Variants in AGBL1 observed in about 807,000 individuals in gnomAD.
AGBL1 encodes cytosolic carboxypeptidase 4.
AGBL1 carries 130 observed loss-of-function variants against 118.9 expected under a neutral mutation model. The observed-to-expected ratio is 1.09, with a 90% CI of 0.95 to 1.26. The LOEUF is 1.26. Among genes scored for constraint, AGBL1 ranks in the 50% most tolerant of loss-of-function variants. The pLI is 0.00. For synonymous variants in AGBL1, 555 were observed against 478.9 expected, an observed-to-expected ratio of 1.16 and a Z score of -2.08; for missense variants, 1,584 against 1,298.1, an observed-to-expected ratio of 1.22 and a Z score of -3.38.
chr15:86,226,527 T>C (rs146941442), intron 6 of AGBL1, among the ~76,000 whole-genome samples: 13 of 152,318 alleles, frequency 8.5e-5, no homozygotes, highest in African/African-American at 2.9e-4. Flanking sequence ...AGCATCCTGA[T>C]ATAAATTGTA....
At chr15:86,917,989 CATT>C (rs1241442873), downstream of AGBL1, among the ~76,000 whole-genome samples, 16 of 152,174 alleles carry the variant, frequency 1.1e-4, no homozygotes, top group Admixed American at 1.0e-3. The surrounding 1 kb of genome is among the most constrained non-coding windows in gnomAD (Gnocchi z 4.8). Context: ...GCTGGGTTCT[CATT>C]ATATTTTGCA....
At position 86,247,919 on chromosome 15, in the gene AGBL1, C is replaced by T. The variant is rs777200669; in HGVS notation, c.735+40C>T. The T allele has an allele frequency of 6.9e-6, 11 of 1,601,402 alleles. No individual in the cohort carries two copies. In the Admixed American group the frequency reaches 1.8e-4, roughly 27 times the overall value. Reference sequence around the variant, plus strand: ...GATTCACTCTGCAGCTGGAGGCCAGCTGGGTGATTCCTGAAGGCTGTCATT... The same window carrying T: ...GATTCACTCTGCAGCTGGAGGCCAGTTGGGTGATTCCTGAAGGCTGTCATT... On this transcript the variant is annotated intron_variant, in intron 7 of 22. Transcript: ENST00000614907.
chr15:86,617,414 G>T (rs1046028092), intron 21 of AGBL1, among the ~76,000 whole-genome samples: 1 of 152,128 alleles, frequency 6.6e-6, no homozygotes, highest in African/African-American at 2.4e-5. Context: ...TCTGACTAAA[G>T]TCAGAATGAT....
chr15:86,990,515 G>GC (rs1555469546), intron 24 of AGBL1, among the ~76,000 whole-genome samples: 1 of 147,162 alleles, frequency 6.8e-6, no homozygotes, highest in Non-Finnish European at 1.5e-5. Context: ...CTCCATCTCA[G>GC]AAAAAAAAAA....
chr15:86,862,706 C>A (rs766770804), intron 22 of AGBL1, among the ~76,000 whole-genome samples: 4 of 152,154 alleles, frequency 2.6e-5, no homozygotes, highest in Admixed American at 6.5e-5. Flanking sequence ...GTTGACAGAA[C>A]GAGACTCCAT....
chr15:86,334,460 G>A (rs545167695), intron 17 of AGBL1, among the ~76,000 whole-genome samples: 14 of 152,122 alleles, frequency 9.2e-5, no homozygotes, highest in Non-Finnish European at 2.1e-4. Context: ...TAACCAAGGA[G>A]GTGAAAGATC....
chr15:86,558,822 G>A (rs2083773733), intron 21 of AGBL1, among the ~76,000 whole-genome samples: 1 of 152,144 alleles, frequency 6.6e-6, no homozygotes, highest in Admixed American at 6.5e-5. Flanking sequence ...GATCAGAGCA[G>A]GGTTTCTTGC....
At chr15:86,616,335 A>G (rs557514790) in intron 21 of AGBL1, among the ~76,000 whole-genome samples, 1 of 107,124 alleles carries the variant, frequency 9.3e-6, no homozygotes, top group East Asian at 2.6e-4. Flanking sequence ...AGACTCCTCC[A>G]CTTCAAAAAA....
At chr15:86,334,073 A>G (rs1837060491) in intron 17 of AGBL1, among the ~76,000 whole-genome samples, 1 of 152,222 alleles carries the variant, frequency 6.6e-6, no homozygotes, top group Non-Finnish European at 1.5e-5. Flanking sequence ...AACCAACATC[A>G]TAATAAACAT....
At chr15:86,610,365 A>T (rs1294578577) in intron 21 of AGBL1, among the ~76,000 whole-genome samples, 2 of 152,174 alleles carry the variant, frequency 1.3e-5, no homozygotes, top group Middle Eastern at 3.2e-3. Flanking sequence ...AGATTAAGCA[A>T]CATCAAATAC....
Position 86,892,637 on chromosome 15 carries a change from A to G in AGBL1, c.3159-14450A>G, listed in dbSNP as rs562607321. On this transcript the variant is annotated intron_variant, in intron 22 of 22. Coordinates refer to ENST00000614907, the MANE Select transcript of AGBL1 (RefSeq NM_001386094.1). ...TTTGCTTATATTTTAAGAGAGAACA[A>G]TGGCCAAGCACCTGGCACACAGTAG... is the stretch of plus-strand genomic sequence containing the variant. 2.0e-5 allele frequency among the ~76,000 whole-genome samples: 3 copies of G among 152,316 alleles called. No individual in the cohort carries two copies. In the South Asian group the frequency reaches 6.2e-4, roughly 32 times the overall value.
intron 22 of AGBL1, among the ~76,000 whole-genome samples, chr15:86,729,639 T>A (rs1383586530): frequency 6.6e-6 from 1 of 152,246 alleles, no homozygotes; most frequent in African/African-American, 2.4e-5. Flanking sequence ...TAGTATTCCC[T>A]GGTGCATATG....
At chr15:86,587,909 C>T (rs1385885179) in intron 21 of AGBL1, among the ~76,000 whole-genome samples, 2 of 152,168 alleles carry the variant, frequency 1.3e-5, no homozygotes, top group East Asian at 3.9e-4. Flanking sequence ...AGTTCTTCCC[C>T]AGGCTCCAAC....
intron 7 of AGBL1, among the ~76,000 whole-genome samples, chr15:86,250,990 C>T (rs139156732): frequency 2.6e-5 from 4 of 152,246 alleles, no homozygotes; most frequent in Non-Finnish European, 4.4e-5. Flanking sequence ...GAAGCAGCAG[C>T]AGCAGAGGGA....
chr15:86,447,973 C>A (rs947302661), intron 18 of AGBL1, among the ~76,000 whole-genome samples: 4 of 151,878 alleles, frequency 2.6e-5, no homozygotes, highest in Non-Finnish European at 5.9e-5. Flanking sequence ...AACGAGACCT[C>A]GACTCTACAA....
At chr15:86,242,517 T>C (rs983365099) in intron 6 of AGBL1, among the ~76,000 whole-genome samples, 1 of 152,190 alleles carries the variant, frequency 6.6e-6, no homozygotes, top group African/African-American at 2.4e-5. Context: ...CTTCTGGCTA[T>C]ATGCAAGGAT....
chr15:86,703,421 C>A lies in AGBL1; in HGVS notation c.3158+28985C>A, dbSNP rs545304863. Among the ~76,000 whole-genome samples, 6 of 152,214 alleles carry A rather than the reference C, an allele frequency of 3.9e-5. No homozygotes were observed. In the South Asian group the frequency reaches 1.2e-3, roughly 32 times the overall value. ...GAGTTGTTTACATTGTTTATGTTTC[C>A]ATTTCCGAGTCCATCAAATAGGAAT... On this transcript the variant is annotated intron_variant, in intron 22 of 22. Coordinates refer to ENST00000614907, the MANE Select transcript of AGBL1 (RefSeq NM_001386094.1).
At chr15:86,347,934 A>G (rs932737261) in intron 17 of AGBL1, among the ~76,000 whole-genome samples, 1 of 152,192 alleles carries the variant, frequency 6.6e-6, no homozygotes, top group Admixed American at 6.5e-5. Context: ...TTCCTTTTAC[A>G]TTTCTTCTTC....
At chr15:86,646,524 ATG>A (rs2085281997) in intron 21 of AGBL1, among the ~76,000 whole-genome samples, 1 of 152,074 alleles carries the variant, frequency 6.6e-6, no homozygotes, top group Admixed American at 6.6e-5. Flanking sequence ...GAGGAAAGGG[ATG>A]TGTCTCATGT....
Sources: allele counts gnomAD v4.1 joint callset (sites outside exome capture counted in the v4.1 genomes callset), GRCh38; gene constraint gnomAD v4.1.1; non-coding constraint Gnocchi (gnomAD v3.1); transcripts MANE v1.5; gene names NCBI Gene and HGNC (gene_info 2026-07-23, HGNC 2026-07-21).